Variants in EXOC6B observed in about 807,000 individuals in gnomAD.
EXOC6B encodes exocyst complex component 6B.
EXOC6B carries 54 observed loss-of-function variants against 113.5 expected under a neutral mutation model. The observed-to-expected ratio is 0.48, with a 90% CI of 0.38 to 0.60. The LOEUF (loss-of-function observed/expected upper bound fraction) is 0.60. EXOC6B is among the 20% of genes least tolerant of loss of function. The pLI is 0.00. For missense variants in EXOC6B, 797 were observed against 977.5 expected (o/e 0.82, Z 2.46); for synonymous variants, 357 against 339.0 (o/e 1.05, Z -0.58).
chr2:72,530,979 G>A (rs1441129954), intron 8 of EXOC6B, among the ~76,000 whole-genome samples: 1 of 151,706 alleles, frequency 6.6e-6, no homozygotes, highest in Non-Finnish European at 1.5e-5. Flanking sequence ...TACTTAAAGT[G>A]ATTTTTCTAT....
chr2:72,772,727 T>G (rs898823060), intron 1 of EXOC6B, among the ~76,000 whole-genome samples: 4 of 152,124 alleles, frequency 2.6e-5, no homozygotes, highest in Non-Finnish European at 2.9e-5. Context: ...AGCCAACCTA[T>G]GCACTCGACC....
intron 20 of EXOC6B, among the ~76,000 whole-genome samples, chr2:72,325,900 C>T (rs908021103): frequency 6.6e-6 from 1 of 151,980 alleles, no homozygotes; most frequent in Non-Finnish European, 1.5e-5. Context: ...GTCCTTGCTC[C>T]CCAGGGATCC....
chr2:72,550,442 A>G (rs533355550), intron 8 of EXOC6B, among the ~76,000 whole-genome samples: 2 of 152,180 alleles, frequency 1.3e-5, no homozygotes, highest in Non-Finnish European at 2.9e-5. Flanking sequence ...ATGTCCAGAA[A>G]ATAAACATAC....
At chr2:72,341,810 G>C (rs961049591) in intron 19 of EXOC6B, among the ~76,000 whole-genome samples, 1 of 152,036 alleles carries the variant, frequency 6.6e-6, no homozygotes, top group Non-Finnish European at 1.5e-5. Context: ...CAAGTGCTCA[G>C]AGAACATTCT....
At chr2:72,788,429 G>GA (rs1405155769) in intron 1 of EXOC6B, among the ~76,000 whole-genome samples, 5 of 152,210 alleles carry the variant, frequency 3.3e-5, no homozygotes, top group Admixed American at 2.0e-4. Context: ...TTTTGCTGTT[G>GA]TTTTTTTACC....
chr2:72,526,494 C>T (rs573239679), intron 8 of EXOC6B, among the ~76,000 whole-genome samples: 42 of 152,072 alleles, frequency 2.8e-4, no homozygotes, highest in African/African-American at 9.6e-4. Flanking sequence ...ATTAAAGACA[C>T]ATGGCTTCTC....
At chr2:72,311,330 T>C (rs996184061) in intron 20 of EXOC6B, among the ~76,000 whole-genome samples, 1 of 152,190 alleles carries the variant, frequency 6.6e-6, no homozygotes, top group Non-Finnish European at 1.5e-5. Flanking sequence ...TTCCTTGCAG[T>C]TGTAGAATTG....
intron 20 of EXOC6B, among the ~76,000 whole-genome samples, chr2:72,191,522 T>G (rs577845324): frequency 6.6e-6 from 1 of 152,332 alleles, no homozygotes; most frequent in South Asian, 2.1e-4. Flanking sequence ...TTTGTTTTGT[T>G]TTGATTTTTT....
intron 20 of EXOC6B, chr2:72,289,044 G>T: frequency 3.4e-6 from 1 of 294,734 alleles, no homozygotes. Flanking sequence ...GACAACCTCA[G>T]CTGGTATCAC....
chr2:72,601,124 ATGTGTGTGTGTGTG>A lies in EXOC6B; in HGVS notation c.670-25470_670-25457del, dbSNP rs61668760. On this transcript the variant is annotated intron_variant, in intron 6 of 21. Transcript: ENST00000272427. ...TACATATATATATATGTGTGTGTGT[ATGTGTGTGTGTGTG>A]TGTGTGTGTGTGTGTGTGTGTGTGT... 4.0e-3 allele frequency among the ~76,000 whole-genome samples: 555 copies of A among 138,674 alleles called. 4 individuals are homozygous for A. The highest frequency in any genetic ancestry group is 0.012 in the African/African-American group (455 of 36,752). The allele number at this position is 138,674 out of a possible 152,430, so 91.0% of individuals were successfully genotyped here.
At chr2:72,611,785 G>A (rs968593746) in intron 6 of EXOC6B, among the ~76,000 whole-genome samples, 2 of 152,034 alleles carry the variant, frequency 1.3e-5, no homozygotes, top group African/African-American at 2.4e-5. Context: ...ACTACATCAT[G>A]GGACATAGTT....
At chr2:72,187,806 G>A (rs893846177) in intron 20 of EXOC6B, among the ~76,000 whole-genome samples, 6 of 152,176 alleles carry the variant, frequency 3.9e-5, no homozygotes, top group African/African-American at 1.4e-4. Flanking sequence ...TGGCCTGAAG[G>A]TCAGGCCTCA....
In EXOC6B at chr2:72,519,382, C is replaced by T. The variant is rs1407221908; in HGVS notation, c.916-4256G>A. Among the ~76,000 whole-genome samples, 4 of 152,202 alleles carry T rather than the reference C, an allele frequency of 2.6e-5. No individual in the cohort carries two copies. The East Asian group carries it at 7.7e-4, about 29-fold the overall frequency. ...GTCTAGTGTTCCTAAGCTCAAGAAA[C>T]AATATGTGCCTTTGAAAGAAGGCAC... On this transcript the variant is annotated intron_variant, in intron 8 of 21. Coordinates refer to ENST00000272427, the MANE Select transcript of EXOC6B (RefSeq NM_015189.3).
intron 11 of EXOC6B, among the ~76,000 whole-genome samples, chr2:72,512,774 C>A (rs1001017985): frequency 6.6e-6 from 1 of 151,974 alleles, no homozygotes; most frequent in African/African-American, 2.4e-5. Flanking sequence ...CTCTCAGGTT[C>A]AATTTCCCAG....
rs557922876 is a variant in EXOC6B, at chr2:72,785,879, C to A, written c.113+39919G>T. ...GAAAACGGGTTTTTCTTTTCTATCACATAGTCAGGCTGCAAATTTTCCAAA... is the reference window on the plus strand; with the variant it reads ...GAAAACGGGTTTTTCTTTTCTATCAAATAGTCAGGCTGCAAATTTTCCAAA... On this transcript the variant is annotated intron_variant, in intron 1 of 21. Transcript: ENST00000272427. Among the ~76,000 whole-genome samples the A allele has an allele frequency of 4.5e-3, 688 of 152,320 alleles. 8 individuals are homozygous for A. Among genetic ancestry groups the A allele is most frequent in the Non-Finnish European group, 4.5e-3 (308 of 68,020 alleles).
chr2:72,580,135 ATTTTTTTTT>A (rs1205164863), intron 6 of EXOC6B, among the ~76,000 whole-genome samples: 2 of 93,764 alleles, frequency 2.1e-5, no homozygotes, highest in Non-Finnish European at 2.1e-5. Flanking sequence ...AGAAATAAGA[ATTTTTTTTT>A]TTTTTTTTTT....
intron 17 of EXOC6B, among the ~76,000 whole-genome samples, chr2:72,473,779 G>A (rs1020645751): frequency 4.0e-5 from 6 of 151,796 alleles, no homozygotes; most frequent in African/African-American, 1.5e-4. Flanking sequence ...TTGTTACTGC[G>A]GTTTGGTGGT....
At chr2:72,518,104 T>C (rs544340197) in intron 8 of EXOC6B, among the ~76,000 whole-genome samples, 4 of 152,162 alleles carry the variant, frequency 2.6e-5, no homozygotes, top group African/African-American at 4.8e-5. Context: ...AGTTGAGTAA[T>C]TGGTGCAGTG....
intron 1 of EXOC6B, among the ~76,000 whole-genome samples, chr2:72,762,317 A>C (rs1368183055): frequency 6.7e-6 from 1 of 149,866 alleles, no homozygotes; most frequent in Non-Finnish European, 1.5e-5. Flanking sequence ...TGTTACACTT[A>C]GGTGATATAG....
Sources: allele counts gnomAD v4.1 joint callset (sites outside exome capture counted in the v4.1 genomes callset), GRCh38; gene constraint gnomAD v4.1.1; transcripts MANE v1.5; gene names NCBI Gene and HGNC (gene_info 2026-07-23, HGNC 2026-07-21).